The following TG variants were observed in gnomAD, a reference collection of about 807,000 sequenced individuals.
The protein encoded by TG is thyroid hormones.
TG carries 270 observed loss-of-function variants against 324.7 expected under a neutral mutation model. The ratio of observed to expected loss-of-function variants is 0.83; its 90% CI spans 0.75 to 0.92. The LOEUF is 0.92. TG is among the 40% of genes least tolerant of loss of function. The pLI is 0.00. For synonymous variants in TG, 1,401 were observed against 1,327.0 expected, an observed-to-expected ratio of 1.06 and a Z score of -1.21; for missense variants, 3,591 against 3,456.4, an observed-to-expected ratio of 1.04 and a Z score of -0.98.
chr8:133,093,470 G>A (rs1301994739), intron 41 of TG, among the ~76,000 whole-genome samples: 5 of 152,148 alleles, frequency 3.3e-5, no homozygotes, highest in Admixed American at 3.3e-4. Context: ...TGTCTAAGCG[G>A]TTAAGGACAG....
intron 26 of TG, among the ~76,000 whole-genome samples, chr8:132,945,200 G>T (rs1040380504): frequency 6.6e-6 from 1 of 152,162 alleles, no homozygotes; most frequent in African/African-American, 2.4e-5. Flanking sequence ...GCAGAGATGA[G>T]TTAGAAACTG....
chr8:133,090,373 C>T (rs1847299746), intron 41 of TG, among the ~76,000 whole-genome samples: 1 of 152,174 alleles, frequency 6.6e-6, no homozygotes, highest in South Asian at 2.1e-4. Context: ...AAGACATAGT[C>T]CTTCCTACCT....
At chr8:132,969,821 G>T (rs1370874619) in intron 32 of TG, among the ~76,000 whole-genome samples, 1 of 143,574 alleles carries the variant, frequency 7.0e-6, no homozygotes, top group Non-Finnish European at 1.5e-5. Context: ...GGCTGAGGCA[G>T]AAGAATTGCT....
chr8:133,008,913 C>T (rs1834253268), intron 35 of TG, among the ~76,000 whole-genome samples: 1 of 152,202 alleles, frequency 6.6e-6, no homozygotes, highest in South Asian at 2.1e-4. Flanking sequence ...CTTCTGCCTC[C>T]ACAAAGAGTT....
chr8:132,978,904 G>A (rs1830493493), intron 34 of TG, among the ~76,000 whole-genome samples: 1 of 152,198 alleles, frequency 6.6e-6, no homozygotes, highest in Admixed American at 6.5e-5. Context: ...CAGACCTAGT[G>A]CAGCAGAGCA....
chr8:133,048,541 G>C (rs901436486), intron 41 of TG: 3 of 155,514 alleles, frequency 1.9e-5, no homozygotes, highest in African/African-American at 7.2e-5. Flanking sequence ...TATTTGATAT[G>C]TTAAGGGATG....
At chr8:132,970,328 C>T (rs982938984) in intron 32 of TG, among the ~76,000 whole-genome samples, 8 of 151,948 alleles carry the variant, frequency 5.3e-5, no homozygotes, top group Admixed American at 2.6e-4. Context: ...TAGAATCACC[C>T]GGAGAGCTGA....
intron 20 of TG, among the ~76,000 whole-genome samples, 193 bp from the exon 21 acceptor site, chr8:132,919,183 A>C (rs1419492217): frequency 1.3e-5 from 2 of 152,138 alleles, no homozygotes; most frequent in African/African-American, 4.8e-5. Flanking sequence ...GGACAGCAGG[A>C]AGCTCGCCTG....
In TG at chr8:132,881,098, G is replaced by A. The variant is rs576952622; in HGVS notation, c.639-765G>A. ...AGGGCATGAAAACAAATCTCTAAATGTTATAAAAGATGAACAGTTCCTCTC... is the reference window on the plus strand; with the variant it reads ...AGGGCATGAAAACAAATCTCTAAATATTATAAAAGATGAACAGTTCCTCTC... On this transcript the variant is annotated intron_variant, in intron 5 of 47. Transcript: ENST00000220616. Among the ~76,000 whole-genome samples the A allele has an allele frequency of 3.6e-4, 55 of 152,282 alleles. 1 individual carries two copies. The South Asian group carries it at 0.011, about 30-fold the overall frequency.
At chr8:132,919,226 G>A in intron 20 of TG, 150 bp from the exon 21 acceptor site, 1 of 842,500 alleles carries the variant, frequency 1.2e-6, no homozygotes, top group Non-Finnish European at 1.9e-6. Context: ...GCTTCTTAGA[G>A]TCTGACACAC....
At chr8:132,941,309 T>A (rs201309715) in intron 25 of TG, 42 bp from the exon 26 acceptor site, 52 of 1,609,946 alleles carry the variant, frequency 3.2e-5, no homozygotes, top group Non-Finnish European at 4.3e-5. Context: ...AACTCTGCCA[T>A]GTTTTGAGGT....
At chr8:132,880,835 A>G (rs2132115611) in intron 5 of TG, among the ~76,000 whole-genome samples, 1 of 152,326 alleles carries the variant, frequency 6.6e-6, no homozygotes, top group African/African-American at 2.4e-5. Context: ...ATTTTTAAGC[A>G]TTGTCCTCAA....
chr8:132,967,672 G>A (rs1307094693), intron 30 of TG, 122 bp from the exon 31 acceptor site: 2 of 1,097,138 alleles, frequency 1.8e-6, no homozygotes, highest in Non-Finnish European at 2.7e-6. Context: ...GACAGTCTCA[G>A]GCCTCTGCCC....
intron 41 of TG, among the ~76,000 whole-genome samples, chr8:133,067,805 AAAGAAAGG>A (rs1297107309): frequency 5.4e-5 from 8 of 148,404 alleles, no homozygotes; most frequent in African/African-American, 1.2e-4. Flanking sequence ...AGAAAGAAAG[AAAGAAAGG>A]AAGGAAGGAA....
At chr8:133,118,168 C>A (rs1341093273) in intron 45 of TG, among the ~76,000 whole-genome samples, 1 of 152,078 alleles carries the variant, frequency 6.6e-6, no homozygotes, top group Non-Finnish European at 1.5e-5. Flanking sequence ...TATTACCTGC[C>A]CTATAATTGA....
intron 45 of TG, among the ~76,000 whole-genome samples, chr8:133,120,561 C>T (rs1423327867): frequency 1.3e-5 from 2 of 152,170 alleles, no homozygotes; most frequent in Non-Finnish European, 2.9e-5. Flanking sequence ...CCCCTGGTGG[C>T]CTAAGGCGAT....
rs772251475 is a variant in TG at position 132,886,718 on chromosome 8, C to A, written c.1346C>A (p.Pro449His). The change falls in exon 9 of 48, where the codon CCC becomes CAC. Residue 449 changes from proline to histidine, a missense_variant. By Grantham distance (77) the Pro-to-His change is moderately conservative. Transcript: ENST00000220616. ...AAAGAAGCCATCCGAGCAATTTTTCCCTCCCGAGGGCTGGCTCGTCTTGCC... is the reference window on the plus strand; with the variant it reads ...AAAGAAGCCATCCGAGCAATTTTTCACTCCCGAGGGCTGGCTCGTCTTGCC... ...LLKEAIRAIF[P>H]SRGLARLALQ... 6.2e-6 allele frequency: 10 copies of A among 1,614,062 alleles called. No individual in the cohort carries two copies. In the Admixed American group the frequency reaches 1.7e-4, roughly 27 times the overall value.
intron 41 of TG, among the ~76,000 whole-genome samples, chr8:133,039,306 A>G (rs1837715712): frequency 6.6e-6 from 1 of 152,134 alleles, no homozygotes; most frequent in South Asian, 2.1e-4. Context: ...AAATCACTTA[A>G]CCCGTCTGAA....
rs555603838 is a variant in TG, at chr8:133,060,033, C to T, written c.7239+30010C>T. On this transcript the variant is annotated intron_variant, in intron 41 of 47. Coordinates refer to ENST00000220616, the MANE Select transcript of TG (RefSeq NM_003235.5). ...TTAAGTAGTTACCGGCATCCACCAC[C>T]GCCCAGTCTTTACCACAGGCTCTTG... 33 of 1,477,778 alleles carry T rather than the reference C, an allele frequency of 2.2e-5. No individual in the cohort carries two copies. The African/African-American group carries it at 2.3e-4, about 10-fold the overall frequency. 91.5% of individuals were successfully genotyped at this position (1,477,778 alleles called of 1,614,324 possible).
Sources: gnomAD v4.1 joint callset for allele counts (sites outside exome capture counted in the v4.1 genomes callset) on GRCh38, gnomAD v4.1.1 for gene constraint, MANE v1.5 for transcripts, NCBI Gene and HGNC (gene_info 2026-07-23, HGNC 2026-07-21) for gene names.